The following PCDHA5 variants were observed in gnomAD, a reference collection of about 807,000 sequenced individuals.
PCDHA5 encodes the protein protocadherin alpha 5.
In PCDHA5, 43 loss-of-function variants were observed where a neutral mutation model predicts 61.6. That is an observed-to-expected ratio of 0.70 (90% CI 0.55 to 0.90). PCDHA5 has a LOEUF of 0.90. Among genes scored for constraint, PCDHA5 ranks in the 40% least tolerant of loss-of-function variants. The probability of loss-of-function intolerance (pLI) is 0.00; values close to 1 mark genes in which losing one functional copy is unlikely to be tolerated. For missense variants in PCDHA5, 1,298 were observed against 1,222.7 expected, an observed-to-expected ratio of 1.06 and a Z score of -0.92; for synonymous variants, 627 against 543.9, an observed-to-expected ratio of 1.15 and a Z score of -2.13.
At chr5:140,882,767 G>GC in intron 1 of PCDHA5, 1 of 1,614,176 alleles carries the variant, frequency 6.2e-7, no homozygotes, top group Non-Finnish European at 8.5e-7. Context: ...AGTAAACTCG[G>GC]CATTGACCTA....
At position 140,853,959 on chromosome 5, in the gene PCDHA5, G is replaced by A. The variant is rs2042923125; in HGVS notation, c.2352+29832G>A. 2.7e-6 allele frequency: 2 copies of A among 736,852 alleles called. 1 individual carries two copies. The highest frequency in any genetic ancestry group is 3.4e-6 in the Non-Finnish European group (2 of 589,618). The allele number at this position is 736,852 out of a possible 1,614,324, so 45.6% of individuals were successfully genotyped here. On this transcript the variant is annotated intron_variant, in intron 1 of 3. Transcript: ENST00000529859. ...CAAGGTGGGAGGGTCCCTTCCTTGA[G>A]CCCAGCAGTTTGAGACCAATGTAGT...
rs1588262423 is a variant in PCDHA5 at position 141,011,885 on chromosome 5, T to C, written c.*1948T>C. 1 of 153,482 alleles carries C rather than the reference T, an allele frequency of 6.5e-6. No homozygotes were observed. The highest frequency in any genetic ancestry group is 1.9e-4 in the East Asian group (1 of 5,202). 9.5% of individuals were successfully genotyped at this position (153,482 alleles called of 1,614,324 possible). ...ATAATGTACAATTTAGAAGTTTGATTAATTATATTATCTATTTAGGCATTA... is the reference window on the plus strand; with the variant it reads ...ATAATGTACAATTTAGAAGTTTGATCAATTATATTATCTATTTAGGCATTA... On this transcript the variant is annotated 3_prime_UTR_variant, in exon 4 of 4. Transcript: ENST00000529859.
rs150637034 is a variant in PCDHA5 at position 140,828,096 on chromosome 5, T to C, written c.2352+3969T>C. On this transcript the variant is annotated intron_variant, in intron 1 of 3. Coordinates refer to ENST00000529859, the MANE Select transcript of PCDHA5 (RefSeq NM_018908.3). ...ATAAAACCAGAGGTATTTGACATGGTGTTTACCCCGGAGGATAGATTGGGA... is the reference window on the plus strand; with the variant it reads ...ATAAAACCAGAGGTATTTGACATGGCGTTTACCCCGGAGGATAGATTGGGA... 3.2e-4 allele frequency: 509 copies of C among 1,604,738 alleles called. 4 individuals carry two copies. In the African/African-American group the frequency reaches 5.9e-3, roughly 19 times the overall value.
rs2150151529 is a variant in PCDHA5 at position 140,828,158 on chromosome 5, G to A, written c.2352+4031G>A. ...GCTCCTCCCGCTTCTGCTCCTCGCAGCCTGGAAGGTGGGGAGCGGCCAGCT... is the reference window on the plus strand; with the variant it reads ...GCTCCTCCCGCTTCTGCTCCTCGCAACCTGGAAGGTGGGGAGCGGCCAGCT... On this transcript the variant is annotated intron_variant, in intron 1 of 3. Transcript: ENST00000529859. 4 of 1,614,202 alleles carry A rather than the reference G, an allele frequency of 2.5e-6. No individual in the cohort carries two copies. In the East Asian group the frequency reaches 8.9e-5, roughly 36 times the overall value.
At chr5:140,863,428 G>A (rs528139564) in intron 1 of PCDHA5, 7 of 657,564 alleles carry the variant, frequency 1.1e-5, no homozygotes, top group Non-Finnish European at 1.9e-5. Context: ...CAGCGTAGTG[G>A]GATCTGGTCT....
chr5:140,930,591 CAT>C (rs1554207939), intron 1 of PCDHA5: 1 of 152,406 alleles, frequency 6.6e-6, no homozygotes, highest in African/African-American at 2.4e-5. Flanking sequence ...TTTGACTTCT[CAT>C]AGAAATCCTA....
chr5:140,942,145 CAT>C (rs2093239780), intron 1 of PCDHA5, among the ~76,000 whole-genome samples: 1 of 152,176 alleles, frequency 6.6e-6, no homozygotes, highest in African/African-American at 2.4e-5. Context: ...CTTTACTTGA[CAT>C]AAAACAGCTT....
In PCDHA5 at chr5:140,967,411, A is replaced by T. The variant is rs142102675; in HGVS notation, c.2353-11538A>T. The T allele has an allele frequency of 4.6e-5, 74 of 1,613,220 alleles. No individual in the cohort carries two copies. The African/African-American group carries it at 9.5e-4, about 21-fold the overall frequency. On this transcript the variant is annotated intron_variant, in intron 1 of 3. Coordinates refer to ENST00000529859, the MANE Select transcript of PCDHA5 (RefSeq NM_018908.3). The stretch of plus-strand genomic sequence containing the variant: ...TTGAGCTGGTGCTGCGTAAGGGCCT[A>T]GACCGGGAGCAGGCAGCCTTGCACC...
At chr5:140,841,613 C>A in intron 1 of PCDHA5, 3 of 1,614,080 alleles carry the variant, frequency 1.9e-6, no homozygotes, top group Non-Finnish European at 2.5e-6. Context: ...GCTGTGCGGG[C>A]GGAGCGCGGA....
Position 140,898,798 on chromosome 5 carries a change from G to A in PCDHA5, c.2352+74671G>A, listed in dbSNP as rs1441416892. On this transcript the variant is annotated intron_variant, in intron 1 of 3. Coordinates refer to ENST00000529859, the MANE Select transcript of PCDHA5 (RefSeq NM_018908.3). The stretch of plus-strand genomic sequence containing the variant: ...CCTTGGGCAGTATGGCCATTTTCAC[G>A]ATACTGATTCTTCCTACCCATGAGC... Among the ~76,000 whole-genome samples the A allele has an allele frequency of 2.6e-4, 39 of 152,120 alleles. 1 individual carries two copies. Among genetic ancestry groups the A allele is most frequent in the African/African-American group, 7.2e-5 (3 of 41,414 alleles).
At chr5:140,859,835 A>G (rs2046039280) in intron 1 of PCDHA5, 1 of 152,134 alleles carries the variant, frequency 6.6e-6, no homozygotes, top group South Asian at 2.1e-4. Context: ...TGTATTTGTT[A>G]TTTTATCAAA....
At chr5:141,002,600 A>G (rs1269340072) in intron 3 of PCDHA5, among the ~76,000 whole-genome samples, 1 of 152,204 alleles carries the variant, frequency 6.6e-6, no homozygotes, top group Non-Finnish European at 1.5e-5. Flanking sequence ...CCCCTCATCT[A>G]TAAAACAGAC....
chr5:140,841,992 G>A (rs2150327070), intron 1 of PCDHA5: 8 of 1,613,646 alleles, frequency 5.0e-6, no homozygotes, highest in South Asian at 4.4e-5. Context: ...GAGCTCACAG[G>A]CACTGTTCAG....
At chr5:140,842,325 C>A in intron 1 of PCDHA5, 2 of 1,607,094 alleles carry the variant, frequency 1.2e-6, no homozygotes, top group Non-Finnish European at 8.5e-7. Context: ...GGTCATTGCA[C>A]CGTTTTAGTG....
intron 1 of PCDHA5, among the ~76,000 whole-genome samples, chr5:140,888,190 A>G (rs2153423083): frequency 6.6e-6 from 1 of 152,280 alleles, no homozygotes; most frequent in East Asian, 1.9e-4. Flanking sequence ...TGTGAATTTT[A>G]CATTGTCGGA....
At chr5:140,860,793 A>G (rs1012928413) in intron 1 of PCDHA5, 3 of 152,166 alleles carry the variant, frequency 2.0e-5, no homozygotes, top group Non-Finnish European at 4.4e-5. Context: ...GCTGGAGTGC[A>G]GTGGCACGAT....
At chr5:140,875,292 T>A in intron 1 of PCDHA5, 1 of 1,401,900 alleles carries the variant, frequency 7.1e-7, no homozygotes, top group Non-Finnish European at 9.3e-7. Flanking sequence ...ACAGGAAAAT[T>A]TTTTTCTCCG....
intron 1 of PCDHA5, chr5:140,969,571 G>A: frequency 9.5e-7 from 1 of 1,050,970 alleles, no homozygotes; most frequent in Non-Finnish European, 1.3e-6. Context: ...AATTGTTTGA[G>A]AAGTGAGGAT....
chr5:140,990,760 G>A (rs2097413418), intron 3 of PCDHA5, among the ~76,000 whole-genome samples: 1 of 152,182 alleles, frequency 6.6e-6, no homozygotes, highest in Non-Finnish European at 1.5e-5. Context: ...CTTTGAGCCT[G>A]TAAATTTGGC....
Sources: gnomAD v4.1 joint callset for allele counts (sites outside exome capture counted in the v4.1 genomes callset) on GRCh38, gnomAD v4.1.1 for gene constraint, MANE v1.5 for transcripts, NCBI Gene and HGNC (gene_info 2026-07-23, HGNC 2026-07-21) for gene names.